PFKFB4: variants seen among roughly 807,000 people sequenced by gnomAD.
The protein encoded by PFKFB4 is 6-phosphofructo-2-kinase/fructose-2,6-bisphosphatase 4.
Under a neutral mutation model 62.8 loss-of-function variants are expected in PFKFB4, and 42 were observed. The ratio of observed to expected loss-of-function variants is 0.67; its 90% CI spans 0.52 to 0.86. PFKFB4 has a LOEUF of 0.86. Among genes scored for constraint, PFKFB4 ranks in the 40% least tolerant of loss-of-function variants. The pLI, the probability that PFKFB4 is intolerant of heterozygous loss-of-function variation, is 0.00. For synonymous variants in PFKFB4, 204 were observed against 240.7 expected (o/e 0.85, Z 1.41); for missense variants, 475 against 627.2 (o/e 0.76, Z 2.59).
chr3:48,525,465 T>C, intron 10 of PFKFB4, 100 bp downstream of exon 10: 1 of 590,246 alleles, frequency 1.7e-6, no homozygotes, highest in Non-Finnish European at 3.0e-6. Flanking sequence ...CCCCTTCTGC[T>C]ACCCACGCAG....
intron 9 of PFKFB4, among the ~76,000 whole-genome samples, chr3:48,533,634 T>C (rs1456455700): frequency 6.6e-6 from 1 of 152,080 alleles, no homozygotes; most frequent in African/African-American, 2.4e-5. Context: ...GTGGGTGGAT[T>C]GCCTGAGGTC....
intron 10 of PFKFB4, among the ~76,000 whole-genome samples, chr3:48,524,481 C>T (rs866449024): frequency 7.9e-5 from 12 of 152,326 alleles, no homozygotes; most frequent in South Asian, 2.1e-4. Context: ...AAAAATGACA[C>T]GCTGATTTGT....
At chr3:48,547,181 C>A (rs768846664) in intron 3 of PFKFB4, among the ~76,000 whole-genome samples, 1 of 152,176 alleles carries the variant, frequency 6.6e-6, no homozygotes, top group Non-Finnish European at 1.5e-5. Flanking sequence ...TGTGCGCCTT[C>A]GTGTGTGTAA....
chr3:48,523,630 C>T lies in PFKFB4; in HGVS notation c.1223-31G>A, dbSNP rs927191792. On this transcript the variant is annotated intron_variant, in intron 11 of 13. Coordinates refer to ENST00000232375, the MANE Select transcript of PFKFB4 (RefSeq NM_004567.4). ...GACACAGAGGGGGATGGCTAGCACA[C>T]CAGAAATGCCTGGTGACAGTGCCTA... 5.0e-6 allele frequency: 8 copies of T among 1,613,984 alleles called. No individual in the cohort carries two copies. The Admixed American group carries it at 5.0e-5, about 10-fold the overall frequency.
intron 9 of PFKFB4, among the ~76,000 whole-genome samples, chr3:48,535,287 T>C (rs1009515095): frequency 1.3e-5 from 2 of 151,906 alleles, no homozygotes; most frequent in African/African-American, 4.8e-5. Context: ...GAGAGTGAGG[T>C]TGAGGTGTCA....
chr3:48,532,826 G>A lies in PFKFB4; in HGVS notation c.987+2686C>T, dbSNP rs1056565377. On this transcript the variant is annotated intron_variant, in intron 9 of 13. Transcript: ENST00000232375. Reference sequence around the variant, plus strand: ...TGCACTGTAGCCTGGGTGACAGAGTGAGATGCTGTCTTAAAAAATAAACAG... The same window carrying A: ...TGCACTGTAGCCTGGGTGACAGAGTAAGATGCTGTCTTAAAAAATAAACAG... Among the ~76,000 whole-genome samples, 6 of 152,258 alleles carry A rather than the reference G, an allele frequency of 3.9e-5. No homozygotes were observed. In the South Asian group the frequency reaches 8.3e-4, roughly 21 times the overall value.
chr3:48,549,621 C>G lies in PFKFB4; in HGVS notation c.311+243G>C, dbSNP rs1477299990. ...GAGGCCACACAACACACCCTCTCCT[C>G]TCATCCCCAAACCCATCACCTCCCA... On this transcript the variant is annotated intron_variant, in intron 3 of 13. Coordinates refer to ENST00000232375, the MANE Select transcript of PFKFB4 (RefSeq NM_004567.4). 2.0e-5 allele frequency among the ~76,000 whole-genome samples: 3 copies of G among 152,158 alleles called. 1 individual carries two copies. The highest frequency in any genetic ancestry group is 2.9e-5 in the Non-Finnish European group (2 of 68,018).
chr3:48,538,360 G>A, intron 7 of PFKFB4, 138 bp downstream of exon 7: 2 of 1,091,216 alleles, frequency 1.8e-6, no homozygotes, highest in East Asian at 2.5e-5. Flanking sequence ...TCTGCCCCAA[G>A]GAAATAAACA....
At chr3:48,539,856 G>A (rs1014661063) in intron 4 of PFKFB4, 85 bp from the exon 5 acceptor site, 25 of 1,010,890 alleles carry the variant, frequency 2.5e-5, no homozygotes, top group South Asian at 1.3e-4. Context: ...AGTGAGGGCC[G>A]CAGCACAGGC....
rs1195254913 is a variant in PFKFB4, at chr3:48,521,291, GTC to G, written c.1350+693_1350+694del. Among the ~76,000 whole-genome samples the G allele has an allele frequency of 1.3e-5, 2 of 152,020 alleles. No homozygotes were observed. Among genetic ancestry groups the G allele is most frequent in the African/African-American group, 4.8e-5 (2 of 41,378 alleles). On this transcript the variant is annotated intron_variant, in intron 13 of 13. Transcript: ENST00000232375. The surrounding 1 kb of genome is among the most constrained non-coding windows in gnomAD (Gnocchi z 5.3). Reference sequence around the variant, plus strand: ...GGGACCGGGGCTCCCAGAAGTGTAGGTCCTATCCTTGGCCCCAGTGGGAGAGG... The same window carrying G: ...GGGACCGGGGCTCCCAGAAGTGTAGGCTATCCTTGGCCCCAGTGGGAGAGG...
intron 3 of PFKFB4, chr3:48,548,534 AT>A (rs1358727834): frequency 6.6e-6 from 1 of 152,106 alleles, no homozygotes; most frequent in Non-Finnish European, 1.5e-5. Context: ...TGACCTACCT[AT>A]TGAGGAATAT....
chr3:48,543,510 C>T lies in PFKFB4; in HGVS notation c.378+70G>A, dbSNP rs953998822. The T allele has an allele frequency of 4.8e-5, 68 of 1,406,212 alleles. 2 individuals carry two copies. Among genetic ancestry groups the T allele is most frequent in the South Asian group, 6.1e-5 (5 of 81,638 alleles). The allele number at this position is 1,406,212 out of a possible 1,614,324, so 87.1% of individuals were successfully genotyped here. On this transcript the variant is annotated intron_variant, in intron 4 of 13. Coordinates refer to ENST00000232375, the MANE Select transcript of PFKFB4 (RefSeq NM_004567.4). ...CCTGCCTTCCCCTCCAGATGCCTGA[C>T]GAGCAAAGGCACAGATGTGGATGGG...
Position 48,522,051 on chromosome 3 carries a change from C to T in PFKFB4, c.1286-1G>A. The T allele has an allele frequency of 6.2e-7, 1 of 1,613,998 alleles. No individual in the cohort carries two copies. The highest frequency in any genetic ancestry group is 2.2e-5 in the East Asian group (1 of 44,888). On this transcript the variant is annotated splice_acceptor_variant, in intron 12 of 13. Transcript: ENST00000232375. LOFTEE classifies it high-confidence loss of function. The stretch of plus-strand genomic sequence containing the variant: ...AGGAATATGGACTCCACTTTACAAC[C>T]TGCCAAAGGGAAGATGCAAATCCAT...
chr3:48,528,487 C>T (rs1326093470), intron 9 of PFKFB4, among the ~76,000 whole-genome samples: 1 of 152,028 alleles, frequency 6.6e-6, no homozygotes, highest in Non-Finnish European at 1.5e-5. Context: ...CATGATGAAA[C>T]CCCATCTCTA....
rs900556212 is a variant in PFKFB4, at chr3:48,519,620, G to A, written c.*127C>T. On this transcript the variant is annotated 3_prime_UTR_variant, in exon 14 of 14. Transcript: ENST00000232375. Reference sequence around the variant, plus strand: ...GGCTGGGGTGGGGGCTCTGGGTTCCGCCAGCCATGTGTGGCTTCAAGAATA... The same window carrying A: ...GGCTGGGGTGGGGGCTCTGGGTTCCACCAGCCATGTGTGGCTTCAAGAATA... 8.0e-6 allele frequency: 6 copies of A among 753,842 alleles called. No homozygotes were observed. The highest frequency in any genetic ancestry group is 1.7e-5 in the African/African-American group (1 of 57,718). 46.7% of individuals were successfully genotyped at this position (753,842 alleles called of 1,614,324 possible).
Position 48,556,116 on chromosome 3 carries a change from G to C in PFKFB4, c.97+565C>G, listed in dbSNP as rs776834226. ...CCGGGACACAGACACAGGCCCACAC[G>C]GCATACTTTTCTGTCTCTATCCTGA... On this transcript the variant is annotated intron_variant, in intron 1 of 13. Transcript: ENST00000232375. This position sits in a 1 kb window ranked among gnomAD's most constrained non-coding sequence, Gnocchi z 5.7. 2.2e-6 allele frequency: 1 copy of C among 456,642 alleles called. No homozygotes were observed. The highest frequency in any genetic ancestry group is 2.3e-5 in the Admixed American group (1 of 42,556). The allele number at this position is 456,642 out of a possible 1,614,324, so 28.3% of individuals were successfully genotyped here.
Position 48,518,218 on chromosome 3 carries a change from C to T in PFKFB4, c.*1529G>A, listed in dbSNP as rs4075800. ...AGATGAGTCTGGAAGGATCTTGCCCCGGCTCCGCCTTGGACATCTCTTAGC... is the reference window on the plus strand; with the variant it reads ...AGATGAGTCTGGAAGGATCTTGCCCTGGCTCCGCCTTGGACATCTCTTAGC... On this transcript the variant is annotated 3_prime_UTR_variant, in exon 14 of 14. Transcript: ENST00000232375. 11,352 of 152,470 alleles carry T rather than the reference C, an allele frequency of 0.074. 1,300 individuals are homozygous for T. Among genetic ancestry groups the T allele is most frequent in the African/African-American group, 0.25 (10,297 of 41,566 alleles). 9.4% of individuals were successfully genotyped at this position (152,470 alleles called of 1,614,324 possible). A position where few individuals can be genotyped will look rare whatever the true frequency, so the allele number is the denominator to read the frequency against.
chr3:48,547,380 C>T (rs73078305), intron 3 of PFKFB4, among the ~76,000 whole-genome samples: 13,710 of 152,044 alleles, frequency 0.09, 786 homozygotes, highest in South Asian at 0.13. Context: ...CATGCATGTG[C>T]CCACGTGTGT....
intron 9 of PFKFB4, among the ~76,000 whole-genome samples, chr3:48,532,149 A>T (rs1379079032): frequency 6.6e-6 from 1 of 152,110 alleles, no homozygotes; most frequent in Non-Finnish European, 1.5e-5. Flanking sequence ...TCTACTAAAA[A>T]TACAAAAAAA....
Sources: allele counts gnomAD v4.1 joint callset (sites outside exome capture counted in the v4.1 genomes callset), GRCh38; gene constraint gnomAD v4.1.1; non-coding constraint Gnocchi (gnomAD v3.1); transcripts MANE v1.5; gene names NCBI Gene and HGNC (gene_info 2026-07-23, HGNC 2026-07-21).